DRC11: variants seen among roughly 807,000 people sequenced by gnomAD.
The protein encoded by DRC11 is dynein regulatory complex subunit 11, also known as IQ and AAA domain-containing protein 1.
chr2:236,387,722 T>C, the DRC11 span, among the ~76,000 whole-genome samples: 13 of 152,104 alleles, frequency 8.5e-5, no homozygotes, highest in African/African-American at 3.1e-4. Flanking sequence ...TAGCTGGTTA[T>C]TTTGCTCGTT....
At chr2:236,358,357 A>AAT in the DRC11 span, among the ~76,000 whole-genome samples, 3 of 131,214 alleles carry the variant, frequency 2.3e-5, no homozygotes, top group African/African-American at 2.8e-5. Flanking sequence ...ATACTATATG[A>AAT]ATATATAATA....
chr2:236,378,370 A>C, the DRC11 span, among the ~76,000 whole-genome samples: 1 of 152,182 alleles, frequency 6.6e-6, no homozygotes, highest in Non-Finnish European at 1.5e-5. Context: ...ACAATCGAAC[A>C]AATGATATTA....
the DRC11 span, among the ~76,000 whole-genome samples, chr2:236,330,907 T>G: frequency 6.6e-6 from 1 of 152,182 alleles, no homozygotes; most frequent in African/African-American, 2.4e-5. The surrounding 1 kb of genome is among the most constrained non-coding windows in gnomAD (Gnocchi z 5.5). Context: ...AACTAAATTT[T>G]GATGAGTTAT....
At chr2:236,315,096 G>A in the DRC11 span, among the ~76,000 whole-genome samples, 1 of 152,188 alleles carries the variant, frequency 6.6e-6, no homozygotes, top group African/African-American at 2.4e-5. The surrounding 1 kb of genome is among the most constrained non-coding windows in gnomAD (Gnocchi z 5.1). Context: ...ATAGACAGAT[G>A]CAGTAGATCA....
At chr2:236,407,575 T>C in the DRC11 span, among the ~76,000 whole-genome samples, 1 of 152,176 alleles carries the variant, frequency 6.6e-6, no homozygotes, top group African/African-American at 2.4e-5. Context: ...GCACAGAAGA[T>C]ATCTATATAT....
the DRC11 span, among the ~76,000 whole-genome samples, chr2:236,476,839 C>A: frequency 6.6e-6 from 1 of 152,054 alleles, no homozygotes; most frequent in South Asian, 2.1e-4. This position sits in a 1 kb window ranked among gnomAD's most constrained non-coding sequence, Gnocchi z 4.7. Flanking sequence ...CACCTATCAA[C>A]CCATCACCTA....
the DRC11 span, among the ~76,000 whole-genome samples, chr2:236,366,880 C>G: frequency 1.3e-5 from 2 of 151,058 alleles, no homozygotes; most frequent in South Asian, 4.2e-4. Context: ...GTCGCCCAGG[C>G]TGGAGTGCAA....
chr2:236,462,677 A>C, the DRC11 span, among the ~76,000 whole-genome samples: 1 of 151,932 alleles, frequency 6.6e-6, no homozygotes, highest in African/African-American at 2.4e-5. This position sits in a 1 kb window ranked among gnomAD's most constrained non-coding sequence, Gnocchi z 6.4. Flanking sequence ...CCTCAAAAAC[A>C]AACAAACAAA....
the DRC11 span, among the ~76,000 whole-genome samples, chr2:236,357,068 ATATAT>A: frequency 1.3e-3 from 74 of 56,384 alleles, 1 homozygote; most frequent in East Asian, 0.015. Flanking sequence ...TTATATATTC[ATATAT>A]TATATATCTA....
the DRC11 span, among the ~76,000 whole-genome samples, chr2:236,422,267 G>A: frequency 6.6e-6 from 1 of 152,182 alleles, no homozygotes; most frequent in Non-Finnish European, 1.5e-5. Context: ...AAGTCAAATT[G>A]TCCCTGTTTG....
At chr2:236,490,337 C>T in the DRC11 span, among the ~76,000 whole-genome samples, 33,550 of 152,138 alleles carry the variant, frequency 0.22, 3,983 homozygotes, top group Middle Eastern at 0.29. This position sits in a 1 kb window ranked among gnomAD's most constrained non-coding sequence, Gnocchi z 5.5. Flanking sequence ...CCAATTTGAA[C>T]AGACTGACCG....
At chr2:236,399,352 G>T in the DRC11 span, 1 of 1,337,922 alleles carries the variant, frequency 7.5e-7, no homozygotes, top group African/African-American at 1.4e-5. This position sits in a 1 kb window ranked among gnomAD's most constrained non-coding sequence, Gnocchi z 7.0. Flanking sequence ...GCAGCCTCCC[G>T]TGATGGGGTT....
chr2:236,482,175 CT>C, the DRC11 span, among the ~76,000 whole-genome samples: 6 of 149,574 alleles, frequency 4.0e-5, no homozygotes, highest in Admixed American at 1.3e-4. This position sits in a 1 kb window ranked among gnomAD's most constrained non-coding sequence, Gnocchi z 4.5. Context: ...GAATTTTTAC[CT>C]TGAGCATTTT....
At chr2:236,343,359 T>C in the DRC11 span, among the ~76,000 whole-genome samples, 3 of 152,176 alleles carry the variant, frequency 2.0e-5, no homozygotes, top group African/African-American at 7.2e-5. The surrounding 1 kb of genome is among the most constrained non-coding windows in gnomAD (Gnocchi z 6.6). Context: ...CCCAGGGCAC[T>C]GTGGGAGAAT....
the DRC11 span, among the ~76,000 whole-genome samples, chr2:236,320,843 C>T: frequency 6.6e-6 from 1 of 150,732 alleles, no homozygotes; most frequent in Non-Finnish European, 1.5e-5. Flanking sequence ...TACCCCCCCG[C>T]CCCCCGCCAT....
the DRC11 span, chr2:236,507,118 A>C: frequency 2.5e-6 from 2 of 805,956 alleles, no homozygotes; most frequent in Non-Finnish European, 4.0e-6. Flanking sequence ...CCTAAAAGGA[A>C]AAAAAGTGGG....
chr2:236,459,533 A>ATG, the DRC11 span, among the ~76,000 whole-genome samples: 1 of 91,036 alleles, frequency 1.1e-5, no homozygotes, highest in African/African-American at 4.1e-5. Context: ...ATACATGTAT[A>ATG]CGTATACGTA....
the DRC11 span, among the ~76,000 whole-genome samples, chr2:236,406,747 C>T: frequency 1.3e-5 from 2 of 151,784 alleles, no homozygotes; most frequent in African/African-American, 4.8e-5. This position sits in a 1 kb window ranked among gnomAD's most constrained non-coding sequence, Gnocchi z 4.7. Context: ...AGGATCTCCA[C>T]TATTTTTTTT....
chr2:236,408,586 T>C, the DRC11 span: 1 of 726,396 alleles, frequency 1.4e-6, no homozygotes, highest in South Asian at 1.4e-5. This position sits in a 1 kb window ranked among gnomAD's most constrained non-coding sequence, Gnocchi z 5.5. Flanking sequence ...GGTGTGGCAG[T>C]GACATGGATG....
Sources: gnomAD v4.1 joint callset for allele counts (sites outside exome capture counted in the v4.1 genomes callset) on GRCh38, gnomAD v4.1.1 for gene constraint, Gnocchi (gnomAD v3.1) non-coding constraint, MANE v1.5 for transcripts, NCBI Gene and HGNC (gene_info 2026-07-23, HGNC 2026-07-21) for gene names.